DIP2C: variants seen among roughly 807,000 people sequenced by gnomAD.
DIP2C encodes the protein DIP2 acetate--CoA ligase C (putative), also known as disco-interacting protein 2 homolog C.
Under a neutral mutation model 192.4 loss-of-function variants are expected in DIP2C, and 33 were observed. The observed-to-expected ratio is 0.17, with a 90% CI of 0.13 to 0.23. The LOEUF (loss-of-function observed/expected upper bound fraction) is 0.23, where lower values mean the gene tolerates loss of function less well. Ranked by LOEUF, DIP2C falls within the 10% of genes least tolerant of loss-of-function variation. The pLI is 1.00. For synonymous variants in DIP2C, 979 were observed against 864.1 expected (o/e 1.13, Z -2.33); for missense variants, 1,537 against 2,110.1 (o/e 0.73, Z 5.32).
At chr10:590,764 T>C (rs1851354811) in intron 1 of DIP2C, among the ~76,000 whole-genome samples, 1 of 152,182 alleles carries the variant, frequency 6.6e-6, no homozygotes, top group Non-Finnish European at 1.5e-5. Flanking sequence ...GAAACGCTAT[T>C]GAAACTCAAA....
chr10:485,012 G>C, intron 2 of DIP2C: 1 of 1,496,430 alleles, frequency 6.7e-7, no homozygotes, highest in Non-Finnish European at 8.9e-7. Flanking sequence ...TTGTTACAGC[G>C]CTGAGCAGAG....
intron 1 of DIP2C, among the ~76,000 whole-genome samples, chr10:598,246 G>A (rs1278026748): frequency 6.7e-6 from 1 of 149,792 alleles, no homozygotes; most frequent in African/African-American, 2.5e-5. Context: ...CACCCCAAGG[G>A]CAGCTCACCC....
chr10:604,910 G>A (rs1036463208), intron 1 of DIP2C, among the ~76,000 whole-genome samples: 2 of 152,176 alleles, frequency 1.3e-5, no homozygotes, highest in African/African-American at 2.4e-5. Context: ...GTCAGAAGTG[G>A]CTATGGTGCT....
intron 24 of DIP2C, among the ~76,000 whole-genome samples, chr10:355,293 G>C (rs186157597): frequency 6.6e-6 from 1 of 152,216 alleles, no homozygotes; most frequent in Non-Finnish European, 1.5e-5. Context: ...AAGACGACAC[G>C]CGCTTCTCTG....
intron 3 of DIP2C, among the ~76,000 whole-genome samples, chr10:454,301 TGTTAGA>T (rs1208921906): frequency 5.0e-5 from 7 of 141,282 alleles, no homozygotes; most frequent in African/African-American, 2.3e-4. Flanking sequence ...ACATTTATAG[TGTTAGA>T]TAAATTGGTT....
At chr10:476,852 T>C (rs778603377) in intron 2 of DIP2C, among the ~76,000 whole-genome samples, 6 of 151,746 alleles carry the variant, frequency 4.0e-5, no homozygotes, top group African/African-American at 9.7e-5. Context: ...GAATGAATCT[T>C]GGAGCAAGGA....
intron 1 of DIP2C, among the ~76,000 whole-genome samples, chr10:608,200 ACACACACACAGCCCCCC>A (rs1852685276): frequency 3.3e-5 from 1 of 29,916 alleles, no homozygotes; most frequent in East Asian, 1.5e-3. Context: ...CACAGCCCCA[ACACACACACAGCCCCCC>A]CACACACACC....
chr10:642,303 G>A lies in DIP2C; in HGVS notation c.85+47191C>T, dbSNP rs575243758. On this transcript the variant is annotated intron_variant, in intron 1 of 36. Coordinates refer to ENST00000280886, the MANE Select transcript of DIP2C (RefSeq NM_014974.3). ...GGCAGGTGAAGGATGCTGGGCCTCC[G>A]CCTCCTAACGTCACACTGGGGTGGG... 2.1e-3 allele frequency among the ~76,000 whole-genome samples: 326 copies of A among 152,244 alleles called. 1 individual carries two copies. The highest frequency in any genetic ancestry group is 6.8e-3 in the Middle Eastern group (2 of 294).
At chr10:393,797 G>GAAAAAA (rs1161399125) in intron 10 of DIP2C, among the ~76,000 whole-genome samples, 7 of 78,792 alleles carry the variant, frequency 8.9e-5, no homozygotes, top group South Asian at 5.3e-4. Flanking sequence ...AAAAAAAAAA[G>GAAAAAA]AAAAAAAAAG....
intron 1 of DIP2C, among the ~76,000 whole-genome samples, chr10:576,137 G>A (rs192452802): frequency 9.8e-4 from 149 of 152,282 alleles, no homozygotes; most frequent in African/African-American, 2.4e-3. Flanking sequence ...CTACGCTGTC[G>A]GATTCCAGAT....
intron 31 of DIP2C, among the ~76,000 whole-genome samples, chr10:324,134 G>A (rs1041003237): frequency 1.2e-4 from 19 of 152,158 alleles, no homozygotes; most frequent in Middle Eastern, 3.4e-3. Context: ...CTCACTGCTC[G>A]CTTTTACTAA....
chr10:441,307 C>T (rs1489937617), intron 3 of DIP2C: 7 of 289,990 alleles, frequency 2.4e-5, no homozygotes, highest in Non-Finnish European at 3.9e-5. Flanking sequence ...GTAGGTCACA[C>T]GTTCGAGCCT....
At chr10:515,421 T>G (rs1846287743) in intron 1 of DIP2C, among the ~76,000 whole-genome samples, 1 of 152,150 alleles carries the variant, frequency 6.6e-6, no homozygotes, top group Non-Finnish European at 1.5e-5. Context: ...TGAAGGCAGA[T>G]TTAAAAGATG....
intron 19 of DIP2C, 50 bp from the exon 20 acceptor site, chr10:364,632 T>C: frequency 1.3e-6 from 2 of 1,583,864 alleles, no homozygotes; most frequent in Non-Finnish European, 1.7e-6. Flanking sequence ...TCAGCTGGTT[T>C]TAATCCTCGC....
At chr10:347,349 C>T (rs1326889235) in intron 26 of DIP2C, among the ~76,000 whole-genome samples, 1 of 120,528 alleles carries the variant, frequency 8.3e-6, no homozygotes, top group Non-Finnish European at 1.7e-5. Context: ...AAACGTCACA[C>T]ACACCCAACC....
intron 3 of DIP2C, among the ~76,000 whole-genome samples, chr10:468,785 CAAAA>C (rs1214027431): frequency 6.6e-6 from 1 of 151,860 alleles, no homozygotes; most frequent in African/African-American, 2.4e-5. Context: ...CAAAAACAAA[CAAAA>C]AAAGATGAGT....
chr10:509,443 G>C (rs1845859977), intron 1 of DIP2C, among the ~76,000 whole-genome samples: 1 of 152,160 alleles, frequency 6.6e-6, no homozygotes, highest in Non-Finnish European at 1.5e-5. Context: ...CCCCGAGGCA[G>C]CTCCAGATGG....
At chr10:588,485 C>A (rs1184361337) in intron 1 of DIP2C, among the ~76,000 whole-genome samples, 1 of 152,348 alleles carries the variant, frequency 6.6e-6, no homozygotes, top group East Asian at 1.9e-4. Flanking sequence ...AATGAGAGGT[C>A]AGGGAAAGTT....
At chr10:420,035 C>T (rs905698575) in intron 5 of DIP2C, among the ~76,000 whole-genome samples, 4 of 152,210 alleles carry the variant, frequency 2.6e-5, no homozygotes, top group African/African-American at 7.2e-5. Context: ...CGATGCGGAT[C>T]GCGATCCTGA....
Sources: gnomAD v4.1 joint callset for allele counts (sites outside exome capture counted in the v4.1 genomes callset) on GRCh38, gnomAD v4.1.1 for gene constraint, MANE v1.5 for transcripts, NCBI Gene and HGNC (gene_info 2026-07-23, HGNC 2026-07-21) for gene names.